FAT1: variants seen among roughly 807,000 people sequenced by gnomAD.
FAT1 encodes the protein protocadherin Fat 1.
In FAT1, 171 loss-of-function variants were observed where a neutral mutation model predicts 329.8. That is an observed-to-expected ratio of 0.52 (90% CI 0.46 to 0.59). The LOEUF (loss-of-function observed/expected upper bound fraction) is 0.59. Ranked by LOEUF, FAT1 falls within the 20% of genes least tolerant of loss-of-function variation. The pLI is 0.00. For missense variants in FAT1, 5,672 were observed against 5,774.4 expected, an observed-to-expected ratio of 0.98 and a Z score of 0.57; for synonymous variants, 2,233 against 2,228.6, an observed-to-expected ratio of 1.00 and a Z score of -0.06.
At chr4:186,726,681 G>C (rs886538248), upstream of FAT1, 1 of 152,280 alleles carries the variant, frequency 6.6e-6, no homozygotes, top group South Asian at 2.1e-4. Flanking sequence ...GCGGCCGCCG[G>C]CTGCGGCGAC....
At chr4:186,725,330 G>A (rs770926391), upstream of FAT1, among the ~76,000 whole-genome samples, 2 of 152,072 alleles carry the variant, frequency 1.3e-5, no homozygotes, top group African/African-American at 2.4e-5. The surrounding 1 kb of genome is among the most constrained non-coding windows in gnomAD (Gnocchi z 5.4). Context: ...GGAAGCGGGA[G>A]TAATGCTAAA....
intron 3 of FAT1, among the ~76,000 whole-genome samples, chr4:186,652,492 T>C (rs1560967837): frequency 6.6e-6 from 1 of 152,222 alleles, no homozygotes; most frequent in Non-Finnish European, 1.5e-5. Flanking sequence ...TGAATAACAT[T>C]TGACTTCTTG....
chr4:186,680,260 C>T (rs1313837049), intron 2 of FAT1, among the ~76,000 whole-genome samples: 2 of 152,102 alleles, frequency 1.3e-5, no homozygotes, highest in Non-Finnish European at 2.9e-5. Context: ...AAAAGAGACA[C>T]GCAAAGGGGT....
chr4:186,694,916 C>T (rs1230618948), intron 2 of FAT1, among the ~76,000 whole-genome samples: 3 of 152,152 alleles, frequency 2.0e-5, no homozygotes, highest in Non-Finnish European at 2.9e-5. Context: ...GAGCCAAGAT[C>T]GTGCCACTGC....
In FAT1 at chr4:186,709,615, C is replaced by G. The variant is rs764372245; in HGVS notation, c.213G>C (p.Arg71Ser). ...VYITHPAWEV[R>S]YKIVSGDSEN... ...CACTGTCTCCGGAAACAATTTTGTA[C>G]CTTACTTCCCACGCTGGATGTGTAA... The change falls in exon 2 of 27, where the codon AGG becomes AGC. Residue 71 changes from arginine (R) to serine (S), a missense_variant. This residue lies in a region of FAT1 where 3,966 missense variants were observed against 3,915.2 expected (regional missense o/e 1.01). Coordinates refer to ENST00000441802, the MANE Select transcript of FAT1 (RefSeq NM_005245.4). 27 of 1,613,964 alleles carry G rather than the reference C, an allele frequency of 1.7e-5. 1 individual carries two copies. Among genetic ancestry groups the G allele is most frequent in the Middle Eastern group, 3.3e-4 (2 of 6,062 alleles).
chr4:186,654,395 T>TA (rs892170258), intron 3 of FAT1, among the ~76,000 whole-genome samples: 1 of 151,928 alleles, frequency 6.6e-6, no homozygotes, highest in African/African-American at 2.4e-5. Flanking sequence ...AAGAGTGGTA[T>TA]AAAAAAAGAC....
rs376214429 is a variant in FAT1, at chr4:186,603,639, C to T, written c.10887G>A (p.Val3629=). ...GKFTTVADIT[V]HIRQVTQEML... ...TCTCCTGTGTGACTTGTCTGATATGCACTGTGATGTCGGCCACCGTCGTGA... is the reference window on the plus strand; with the variant it reads ...TCTCCTGTGTGACTTGTCTGATATGTACTGTGATGTCGGCCACCGTCGTGA... The change falls in exon 19 of 27, where the codon GTG becomes GTA. Residue 3629 remains valine, a synonymous_variant. Transcript: ENST00000441802. 5 of 1,613,882 alleles carry T rather than the reference C, an allele frequency of 3.1e-6. No individual in the cohort carries two copies. The highest frequency in any genetic ancestry group is 4.2e-6 in the Non-Finnish European group (5 of 1,179,892).
chr4:186,605,864 C>CA (rs1020137375), intron 17 of FAT1, among the ~76,000 whole-genome samples: 8 of 151,940 alleles, frequency 5.3e-5, no homozygotes, highest in African/African-American at 1.9e-4. Flanking sequence ...GAGAATATCT[C>CA]AAAAATCAAA....
At chr4:186,638,644 C>T (rs1192068316) in intron 4 of FAT1, among the ~76,000 whole-genome samples, 2 of 96,392 alleles carry the variant, frequency 2.1e-5, no homozygotes, top group Non-Finnish European at 5.7e-5. Context: ...CACACACACA[C>T]ATACACTGCA....
At chr4:186,703,413 T>A (rs1381087239) in intron 2 of FAT1, among the ~76,000 whole-genome samples, 1 of 152,234 alleles carries the variant, frequency 6.6e-6, no homozygotes, top group African/African-American at 2.4e-5. Context: ...TAGAACTTCA[T>A]TCAGCTTGCT....
In FAT1 at chr4:186,650,677, A is replaced by C. The variant is rs528729304; in HGVS notation, c.3581-10894T>G. Among the ~76,000 whole-genome samples, 33 of 152,336 alleles carry C rather than the reference A, an allele frequency of 2.2e-4. No homozygotes were observed. In the South Asian group the frequency reaches 2.7e-3, roughly 12 times the overall value. On this transcript the variant is annotated intron_variant, in intron 3 of 26. Coordinates refer to ENST00000441802, the MANE Select transcript of FAT1 (RefSeq NM_005245.4). ...ACCGTACCTCTTGCTTCTCTTATAC[A>C]GCAGCTAAGAAAGAACAGTAAAAAG...
rs1320492053 is a variant in FAT1 at position 186,599,964 on chromosome 4, C to A, written c.12037G>T (p.Ala4013Ser). Residue 4013 changes from alanine to serine, a missense_variant, in exon 22 of 27, where the codon GCC (alanine) becomes TCC (serine). Ala to Ser is a moderately conservative substitution (Grantham distance 99). Transcript: ENST00000441802. The stretch of plus-strand genomic sequence containing the variant: ...GGGTTGCTGGCGCAGTCTTCCGTGG[C>A]CGTCAGGAAGCAGCCTGGAGATACA... ...VDVSPGCFLT[A>S]TEDCASNPCQ... 6.2e-7 allele frequency: 1 copy of A among 1,613,864 alleles called. No homozygotes were observed. Among genetic ancestry groups the A allele is most frequent in the East Asian group, 2.2e-5 (1 of 44,890 alleles).
rs757198124 is a variant in FAT1 at position 186,707,051 on chromosome 4, G to A, written c.2777C>T (p.Thr926Ile). ...CACACGATAATTAGGTGGAATAAATGTAGGTGGGTTGTCATTAACATCTTC... is the reference window on the plus strand; with the variant it reads ...CACACGATAATTAGGTGGAATAAATATAGGTGGGTTGTCATTAACATCTTC... ...SLEDVNDNPPTFIPPNYRVKV... is the reference protein window; with the variant it reads ...SLEDVNDNPPIFIPPNYRVKV... Residue 926 changes from threonine to isoleucine, a missense_variant, in exon 2 of 27, where the codon ACA becomes ATA. Physicochemically the swap from Thr to Ile is moderately conservative, Grantham distance 89. Coordinates refer to ENST00000441802, the MANE Select transcript of FAT1 (RefSeq NM_005245.4). The A allele has an allele frequency of 3.3e-5, 53 of 1,613,864 alleles. No individual in the cohort carries two copies. The highest frequency in any genetic ancestry group is 1.6e-4 in the Middle Eastern group (1 of 6,084).
chr4:186,613,472 T>A (rs1739561457), intron 12 of FAT1, 130 bp from the exon 13 acceptor site: 1 of 700,240 alleles, frequency 1.4e-6, no homozygotes, highest in African/African-American at 1.8e-5. Context: ...GAGACCAGTA[T>A]TATCAATGAC....
intron 2 of FAT1, among the ~76,000 whole-genome samples, chr4:186,689,379 A>G: frequency 6.6e-6 from 1 of 152,252 alleles, no homozygotes; most frequent in East Asian, 1.9e-4. Flanking sequence ...ATTTTACAAA[A>G]GCTATCACTG....
chr4:186,646,700 G>T (rs1741401125), intron 3 of FAT1, among the ~76,000 whole-genome samples: 1 of 146,396 alleles, frequency 6.8e-6, no homozygotes. Flanking sequence ...CCAAATTTTT[G>T]TAGACATCTG....
intron 2 of FAT1, among the ~76,000 whole-genome samples, chr4:186,665,930 G>A (rs551697015): frequency 2.7e-5 from 4 of 150,624 alleles, no homozygotes; most frequent in South Asian, 2.1e-4. Context: ...GCAAACTATC[G>A]CAAGGACAAA....
At chr4:186,666,524 A>G (rs1742446079) in intron 2 of FAT1, among the ~76,000 whole-genome samples, 1 of 152,228 alleles carries the variant, frequency 6.6e-6, no homozygotes, top group African/African-American at 2.4e-5. Flanking sequence ...ATTAAAATGC[A>G]ATAAAATTCA....
chr4:186,628,382 A>G lies in FAT1; in HGVS notation c.4600-18T>C. ...TCTCGTACCTAAAAAGAATTGACAC[A>G]TTATCAATCCCATTGGTGCTTTCCT... On this transcript the variant is annotated intron_variant, in intron 8 of 26. Coordinates refer to ENST00000441802, the MANE Select transcript of FAT1 (RefSeq NM_005245.4). 1.9e-6 allele frequency: 3 copies of G among 1,610,976 alleles called. No individual in the cohort carries two copies. The highest frequency in any genetic ancestry group is 1.3e-5 in the African/African-American group (1 of 75,014).
Sources: allele counts gnomAD v4.1 joint callset (sites outside exome capture counted in the v4.1 genomes callset), GRCh38; gene constraint gnomAD v4.1.1; regional missense constraint gnomAD v4.1.1; non-coding constraint Gnocchi (gnomAD v3.1); transcripts MANE v1.5; gene names NCBI Gene and HGNC (gene_info 2026-07-23, HGNC 2026-07-21).